Variants in TIAM1 observed in about 807,000 individuals in gnomAD.
The protein encoded by TIAM1 is rho guanine nucleotide exchange factor TIAM1.
TIAM1 carries 65 observed loss-of-function variants against 163.5 expected under a neutral mutation model. That is an observed-to-expected ratio of 0.40 (90% CI 0.33 to 0.49). The LOEUF (loss-of-function observed/expected upper bound fraction) is 0.49, where lower values mean the gene tolerates loss of function less well. Among genes scored for constraint, TIAM1 ranks in the 20% least tolerant of loss-of-function variants. The pLI is 0.77. For synonymous variants in TIAM1, 833 were observed against 810.1 expected, an observed-to-expected ratio of 1.03 and a Z score of -0.48; for missense variants, 1,789 against 2,044.7, an observed-to-expected ratio of 0.87 and a Z score of 2.41.
chr21:31,219,024 C>CTTTTTTT (rs35555743), intron 8 of TIAM1, among the ~76,000 whole-genome samples: 2 of 88,492 alleles, frequency 2.3e-5, no homozygotes, highest in Non-Finnish European at 4.5e-5. Flanking sequence ...GAAGCATTTC[C>CTTTTTTT]TTTTTTTTTT....
At chr21:31,127,266 A>G (rs1330405906) in intron 25 of TIAM1, 114 bp from the exon 26 acceptor site, 2 of 865,360 alleles carry the variant, frequency 2.3e-6, no homozygotes, top group Admixed American at 4.6e-5. Context: ...AACACTGTAT[A>G]AGATCAAAGA....
At chr21:31,371,849 TCA>T (rs2076601879) in intron 2 of TIAM1, among the ~76,000 whole-genome samples, 1 of 152,186 alleles carries the variant, frequency 6.6e-6, no homozygotes, top group African/African-American at 2.4e-5. Flanking sequence ...GCTCTCAGAC[TCA>T]TTCACCCCTT....
At chr21:31,298,066 G>A (rs945531980) in intron 2 of TIAM1, among the ~76,000 whole-genome samples, 6 of 152,186 alleles carry the variant, frequency 3.9e-5, no homozygotes, top group South Asian at 2.1e-4. Flanking sequence ...GAGGGCACAT[G>A]ACTTACTCTT....
At chr21:31,434,463 T>C (rs1244818873) in intron 2 of TIAM1, among the ~76,000 whole-genome samples, 1 of 152,206 alleles carries the variant, frequency 6.6e-6, no homozygotes, top group Non-Finnish European at 1.5e-5. Context: ...CCATTTGAAA[T>C]GGGCATGCTA....
intron 1 of TIAM1, among the ~76,000 whole-genome samples, chr21:31,532,592 A>G (rs534854273): frequency 5.9e-4 from 90 of 152,304 alleles, no homozygotes; most frequent in African/African-American, 2.2e-3. Flanking sequence ...CTGCAGAGAA[A>G]ATTCCTATCT....
In TIAM1 at chr21:31,267,295, T is replaced by C. The variant is rs375299301; in HGVS notation, c.-11-312A>G. ...GGCCACAGGCCATAGCTGAGAGCGC[T>C]GCTTTTGGACAGCCAGAAACTCTGC... On this transcript the variant is annotated intron_variant, in intron 3 of 27. Transcript: ENST00000541036. Among the ~76,000 whole-genome samples the C allele has an allele frequency of 3.4e-4, 52 of 152,320 alleles. 1 individual carries two copies. Among genetic ancestry groups the C allele is most frequent in the East Asian group, 2.9e-3 (15 of 5,176 alleles).
At chr21:31,182,676 T>C in intron 14 of TIAM1, 31 bp from the exon 15 acceptor site, 1 of 1,593,478 alleles carries the variant, frequency 6.3e-7, no homozygotes. Flanking sequence ...ATTTTTAATT[T>C]CACACACATT....
intron 26 of TIAM1, among the ~76,000 whole-genome samples, chr21:31,125,971 C>CA (rs1320734005): frequency 1.3e-5 from 2 of 152,066 alleles, no homozygotes; most frequent in African/African-American, 4.8e-5. Context: ...TAGGTTGGTG[C>CA]AAAAAATAAT....
At chr21:31,235,366 A>G (rs1037890498) in intron 6 of TIAM1, among the ~76,000 whole-genome samples, 31 of 152,260 alleles carry the variant, frequency 2.0e-4, no homozygotes, top group Admixed American at 6.5e-5. Flanking sequence ...AATACTATTT[A>G]TATGGTCATA....
At chr21:31,520,128 C>T (rs1456651734) in intron 1 of TIAM1, among the ~76,000 whole-genome samples, 1 of 152,120 alleles carries the variant, frequency 6.6e-6, no homozygotes, top group African/African-American at 2.4e-5. Flanking sequence ...GTCGGGAGTT[C>T]GAGACCAGCC....
chr21:31,134,570 G>T (rs2146250581), intron 23 of TIAM1, among the ~76,000 whole-genome samples: 1 of 152,292 alleles, frequency 6.6e-6, no homozygotes, highest in South Asian at 2.1e-4. Flanking sequence ...GAGTCCAGTG[G>T]AACGATCTCA....
intron 2 of TIAM1, among the ~76,000 whole-genome samples, chr21:31,379,251 C>T (rs1473248172): frequency 6.6e-6 from 1 of 152,170 alleles, no homozygotes; most frequent in African/African-American, 2.4e-5. Context: ...ATATTACAGG[C>T]ATGAGCCACC....
At chr21:31,367,671 C>A (rs2076524922) in intron 2 of TIAM1, among the ~76,000 whole-genome samples, 2 of 152,156 alleles carry the variant, frequency 1.3e-5, no homozygotes, top group Non-Finnish European at 2.9e-5. Context: ...AACCAAGAGA[C>A]CTGTTTATCA....
chr21:31,532,216 T>C (rs2047993787), intron 1 of TIAM1, among the ~76,000 whole-genome samples: 1 of 152,228 alleles, frequency 6.6e-6, no homozygotes. Flanking sequence ...ATGCTATCTC[T>C]GGCTGTGGAG....
chr21:31,175,895 G>T (rs575683230), intron 15 of TIAM1, among the ~76,000 whole-genome samples: 5 of 152,112 alleles, frequency 3.3e-5, no homozygotes. Context: ...CACTGCGCCC[G>T]GCCTATAAAA....
intron 8 of TIAM1, among the ~76,000 whole-genome samples, chr21:31,219,912 A>G (rs951860570): frequency 2.2e-4 from 33 of 152,300 alleles, no homozygotes; most frequent in Non-Finnish European, 2.9e-4. Flanking sequence ...TCTCTTCTCT[A>G]TTTTCATCAC....
At chr21:31,154,583 T>C (rs1227636031) in intron 16 of TIAM1, among the ~76,000 whole-genome samples, 157 bp from the exon 17 acceptor site, 1 of 152,204 alleles carries the variant, frequency 6.6e-6, no homozygotes, top group Non-Finnish European at 1.5e-5. Flanking sequence ...TTAGGAGAGC[T>C]TCTTGAATGC....
chr21:31,312,867 A>G (rs776018005), intron 2 of TIAM1, among the ~76,000 whole-genome samples: 3 of 152,224 alleles, frequency 2.0e-5, no homozygotes, highest in Non-Finnish European at 4.4e-5. Context: ...AGAAAAAAGA[A>G]TATGAAAATA....
At chr21:31,153,469 C>T (rs550349918) in intron 17 of TIAM1, among the ~76,000 whole-genome samples, 4 of 152,172 alleles carry the variant, frequency 2.6e-5, no homozygotes, top group South Asian at 2.1e-4. Flanking sequence ...AAACAGGCAG[C>T]GAGCTGGATT....
Sources: allele counts gnomAD v4.1 joint callset (sites outside exome capture counted in the v4.1 genomes callset), GRCh38; gene constraint gnomAD v4.1.1; transcripts MANE v1.5; gene names NCBI Gene and HGNC (gene_info 2026-07-23, HGNC 2026-07-21).